RALYL: variants seen among roughly 807,000 people sequenced by gnomAD.
RALYL encodes RNA-binding Raly-like protein.
In RALYL, 29 loss-of-function variants were observed where a neutral mutation model predicts 35.1. The observed-to-expected ratio is 0.83, with a 90% CI of 0.61 to 1.13. The LOEUF (loss-of-function observed/expected upper bound fraction) is 1.13. Among genes scored for constraint, RALYL ranks in the 50% most tolerant of loss-of-function variants. The pLI, the probability that RALYL is intolerant of heterozygous loss-of-function variation, is 0.00. For synonymous variants in RALYL, 120 were observed against 127.6 expected, an observed-to-expected ratio of 0.94 and a Z score of 0.40; for missense variants, 359 against 360.4, an observed-to-expected ratio of 1.00 and a Z score of 0.03.
chr8:84,330,330 C>T (rs1051535141), intron 1 of RALYL, among the ~76,000 whole-genome samples: 1 of 151,954 alleles, frequency 6.6e-6, no homozygotes, highest in African/African-American at 2.4e-5. Context: ...ATATATACTA[C>T]ATCTTAAATG....
chr8:84,243,362 G>A (rs1828383977), intron 1 of RALYL, among the ~76,000 whole-genome samples: 1 of 152,032 alleles, frequency 6.6e-6, no homozygotes, highest in South Asian at 2.1e-4. Flanking sequence ...CTAATTCTGT[G>A]AAGAATGTCA....
intron 1 of RALYL, among the ~76,000 whole-genome samples, chr8:84,507,964 T>G (rs1047206498): frequency 2.6e-5 from 4 of 152,152 alleles, no homozygotes; most frequent in Non-Finnish European, 1.5e-5. Context: ...GATAAATGAC[T>G]GACATATCTA....
chr8:84,765,000 T>C (rs1418033048), intron 2 of RALYL, among the ~76,000 whole-genome samples: 2 of 152,198 alleles, frequency 1.3e-5, no homozygotes, highest in East Asian at 3.8e-4. Context: ...CTGGTACATT[T>C]GTGGGTTTTT....
chr8:84,747,329 T>C (rs1392799398), intron 2 of RALYL, among the ~76,000 whole-genome samples: 1 of 151,858 alleles, frequency 6.6e-6, no homozygotes, highest in Non-Finnish European at 1.5e-5. Flanking sequence ...GGAAAAAATA[T>C]TTAGATTCAT....
At chr8:84,488,555 C>T (rs2054900892) in intron 1 of RALYL, among the ~76,000 whole-genome samples, 1 of 152,126 alleles carries the variant, frequency 6.6e-6, no homozygotes, top group East Asian at 1.9e-4. Context: ...CAATAGGCTG[C>T]TTGAACTCTA....
intron 2 of RALYL, among the ~76,000 whole-genome samples, chr8:84,650,718 C>T (rs1828580131): frequency 6.6e-6 from 1 of 151,734 alleles, no homozygotes; most frequent in African/African-American, 2.4e-5. Flanking sequence ...CATCCCATTA[C>T]TGGGTATATA....
At chr8:84,213,957 G>A (rs1306254791) in intron 1 of RALYL, among the ~76,000 whole-genome samples, 17 of 152,100 alleles carry the variant, frequency 1.1e-4, no homozygotes. Context: ...TTTGAATGAA[G>A]AAAATGTGAA....
At chr8:84,639,065 T>G (rs950375199) in intron 2 of RALYL, among the ~76,000 whole-genome samples, 4 of 150,340 alleles carry the variant, frequency 2.7e-5, no homozygotes, top group African/African-American at 7.4e-5. Flanking sequence ...AAGGTCTTTT[T>G]AGGATATAAA....
chr8:84,624,916 AC>A (rs1205893037), intron 2 of RALYL, among the ~76,000 whole-genome samples: 1 of 152,172 alleles, frequency 6.6e-6, no homozygotes, highest in Non-Finnish European at 1.5e-5. Flanking sequence ...CCATAAGTAA[AC>A]ATAAGTCATA....
chr8:84,697,191 A>C (rs1393785404), intron 2 of RALYL, among the ~76,000 whole-genome samples: 2 of 152,042 alleles, frequency 1.3e-5, no homozygotes. Context: ...TGTTGATACT[A>C]TTCTTAGAAA....
intron 3 of RALYL, among the ~76,000 whole-genome samples, chr8:84,791,019 G>T (rs1820649599): frequency 6.6e-6 from 1 of 152,164 alleles, no homozygotes. Context: ...TTATGACAAA[G>T]TAGACAAAAA....
At chr8:84,525,269 A>G (rs553800382) in intron 1 of RALYL, among the ~76,000 whole-genome samples, 212 of 152,210 alleles carry the variant, frequency 1.4e-3, no homozygotes, top group African/African-American at 4.8e-3. Context: ...AAACTTCTAA[A>G]TTAAAAACAG....
chr8:84,483,678 G>A (rs903907879), intron 1 of RALYL, among the ~76,000 whole-genome samples: 1 of 152,094 alleles, frequency 6.6e-6, no homozygotes, highest in African/African-American at 2.4e-5. Flanking sequence ...TTAATTGGGA[G>A]GGCAGATATT....
At chr8:84,209,749 G>C (rs896823835) in intron 1 of RALYL, among the ~76,000 whole-genome samples, 2 of 152,126 alleles carry the variant, frequency 1.3e-5, no homozygotes, top group African/African-American at 4.8e-5. Context: ...AATACCATCA[G>C]ATAAATGAAA....
chr8:84,427,262 T>C, intron 1 of RALYL, among the ~76,000 whole-genome samples: 1 of 152,150 alleles, frequency 6.6e-6, no homozygotes, highest in Non-Finnish European at 1.5e-5. Flanking sequence ...CTACTAGACT[T>C]CCAGCTTCTC....
chr8:84,196,848 G>A (rs1815430455), intron 1 of RALYL, among the ~76,000 whole-genome samples: 1 of 152,028 alleles, frequency 6.6e-6, no homozygotes, highest in Non-Finnish European at 1.5e-5. Context: ...CCCAAAATAT[G>A]GTCCCATTGA....
intron 1 of RALYL, among the ~76,000 whole-genome samples, chr8:84,332,380 T>A (rs555286364): frequency 6.6e-6 from 1 of 152,202 alleles, no homozygotes; most frequent in Non-Finnish European, 1.5e-5. Context: ...AATGTAAAGA[T>A]TATACACAGT....
intron 1 of RALYL, among the ~76,000 whole-genome samples, chr8:84,451,485 A>G (rs573031254): frequency 1.3e-5 from 2 of 152,100 alleles, no homozygotes; most frequent in Non-Finnish European, 2.9e-5. Flanking sequence ...TTTCATTTAT[A>G]TACAGAATGT....
intron 1 of RALYL, among the ~76,000 whole-genome samples, chr8:84,422,077 A>G (rs2045697682): frequency 6.6e-6 from 1 of 151,636 alleles, no homozygotes; most frequent in African/African-American, 2.4e-5. Flanking sequence ...TGAGTTAGGG[A>G]GGATTCCCTC....
Sources: gnomAD v4.1 joint callset for allele counts (sites outside exome capture counted in the v4.1 genomes callset) on GRCh38, gnomAD v4.1.1 for gene constraint, MANE v1.5 for transcripts, NCBI Gene and HGNC (gene_info 2026-07-23, HGNC 2026-07-21) for gene names.